Variants in UBE2L3 observed in about 807,000 individuals in gnomAD.
The protein encoded by UBE2L3 is ubiquitin-conjugating enzyme E2 L3.
In UBE2L3, 1 loss-of-function variant was observed where a neutral mutation model predicts 17.8. The ratio of observed to expected loss-of-function variants is 0.06; its 90% CI spans 0.02 to 0.27. UBE2L3 has a LOEUF of 0.27. Ranked by LOEUF, UBE2L3 falls within the 10% of genes least tolerant of loss-of-function variation. UBE2L3 has a pLI of 1.00. For synonymous variants in UBE2L3, 44 were observed against 68.5 expected (o/e 0.64, Z 1.76); for missense variants, 40 against 192.6 (o/e 0.21, Z 4.69).
intron 1 of UBE2L3, among the ~76,000 whole-genome samples, chr22:21,562,521 G>A (rs1046257224): frequency 6.6e-5 from 10 of 151,660 alleles, no homozygotes; most frequent in African/African-American, 2.4e-4. Flanking sequence ...ACAAGCACCC[G>A]CCACCACGCC....
chr22:21,561,593 G>T (rs1416682482), intron 1 of UBE2L3, among the ~76,000 whole-genome samples: 17 of 150,960 alleles, frequency 1.1e-4, no homozygotes, highest in Non-Finnish European at 2.5e-4. Flanking sequence ...AAAAAAAAAG[G>T]GGGTCCAGCA....
intron 3 of UBE2L3, among the ~76,000 whole-genome samples, chr22:21,615,900 G>A (rs1045286895): frequency 6.6e-6 from 1 of 152,134 alleles, no homozygotes; most frequent in African/African-American, 2.4e-5. Flanking sequence ...TGTGCTTTTT[G>A]TTGGTGATTT....
At chr22:21,615,729 C>CTA (rs1338696018) in intron 3 of UBE2L3, among the ~76,000 whole-genome samples, 1 of 152,210 alleles carries the variant, frequency 6.6e-6, no homozygotes, top group Non-Finnish European at 1.5e-5. Context: ...CGGCACTCGT[C>CTA]TATCACAGAT....
intron 1 of UBE2L3, among the ~76,000 whole-genome samples, chr22:21,577,008 G>T (rs1217518429): frequency 1.4e-5 from 2 of 147,404 alleles, no homozygotes; most frequent in Non-Finnish European, 3.0e-5. Context: ...TCGCTGTGTT[G>T]CCCAGGCTGG....
intron 1 of UBE2L3, among the ~76,000 whole-genome samples, chr22:21,562,455 T>C (rs2148392932): frequency 6.6e-6 from 1 of 151,256 alleles, no homozygotes; most frequent in East Asian, 1.9e-4. Context: ...CACTGCAAAC[T>C]CCGCCTCCCG....
At chr22:21,556,220 C>T (rs1403570384) in intron 1 of UBE2L3, among the ~76,000 whole-genome samples, 2 of 152,190 alleles carry the variant, frequency 1.3e-5, no homozygotes, top group African/African-American at 4.8e-5. Flanking sequence ...GACATAGTGA[C>T]ACCCTGTTTC....
intron 1 of UBE2L3, among the ~76,000 whole-genome samples, chr22:21,578,755 G>A (rs1927460185): frequency 6.6e-6 from 1 of 152,106 alleles, no homozygotes; most frequent in African/African-American, 2.4e-5. Context: ...CCTCTGTTGA[G>A]TGTTTTCTTT....
intron 2 of UBE2L3, among the ~76,000 whole-genome samples, chr22:21,594,526 A>C (rs1176691823): frequency 6.7e-6 from 1 of 150,162 alleles, no homozygotes; most frequent in Non-Finnish European, 1.5e-5. Context: ...TTTTTTTTTT[A>C]AGTCCCTGAA....
At chr22:21,575,723 A>G (rs1447828728) in intron 1 of UBE2L3, among the ~76,000 whole-genome samples, 1 of 122,308 alleles carries the variant, frequency 8.2e-6, no homozygotes, top group Non-Finnish European at 1.6e-5. Context: ...GCTCACTGCA[A>G]CCTCTGCCTC....
chr22:21,608,912 T>C (rs1929322562), intron 2 of UBE2L3, among the ~76,000 whole-genome samples: 1 of 151,850 alleles, frequency 6.6e-6, no homozygotes, highest in Non-Finnish European at 1.5e-5. Context: ...GTTTTTTTTT[T>C]GAGACTCAGT....
chr22:21,587,048 G>A (rs983408644), intron 1 of UBE2L3, among the ~76,000 whole-genome samples: 1 of 149,384 alleles, frequency 6.7e-6, no homozygotes, highest in Non-Finnish European at 1.5e-5. Flanking sequence ...CCTATGCCTG[G>A]CTAATTTTTG....
chr22:21,590,023 A>G lies in UBE2L3; in HGVS notation c.28-2838A>G, dbSNP rs137919334. ...TGGATCTCCTTGATACCAAAGCACC[A>G]GTAAGTGTCCTTTCTGCACCCCTGC... On this transcript the variant is annotated intron_variant, in intron 1 of 3. Transcript: ENST00000342192. Among the ~76,000 whole-genome samples, 1,243 of 152,168 alleles carry G rather than the reference A, an allele frequency of 8.2e-3. 25 individuals carry two copies. Among genetic ancestry groups the G allele is most frequent in the African/African-American group, 0.028 (1,180 of 41,526 alleles).
At chr22:21,598,421 C>T (rs1229562099) in intron 2 of UBE2L3, among the ~76,000 whole-genome samples, 1 of 151,406 alleles carries the variant, frequency 6.6e-6, no homozygotes, top group Non-Finnish European at 1.5e-5. Flanking sequence ...TTCTAATTTC[C>T]CTTGTGATTT....
At chr22:21,593,789 G>A (rs1386240991) in intron 2 of UBE2L3, among the ~76,000 whole-genome samples, 2 of 152,122 alleles carry the variant, frequency 1.3e-5, no homozygotes, top group Non-Finnish European at 2.9e-5. Context: ...AGCTTTTGGA[G>A]CACGGGCAGC....
intron 3 of UBE2L3, among the ~76,000 whole-genome samples, chr22:21,612,033 C>G: frequency 6.6e-6 from 1 of 152,146 alleles, no homozygotes; most frequent in East Asian, 1.9e-4. Flanking sequence ...GGGAATAACT[C>G]AGCTGAACTT....
intron 3 of UBE2L3, among the ~76,000 whole-genome samples, chr22:21,620,096 C>A (rs1268630822): frequency 1.3e-5 from 2 of 151,852 alleles, no homozygotes; most frequent in Non-Finnish European, 2.9e-5. Flanking sequence ...GAGTTTGAGA[C>A]CAGCCTGGGC....
At chr22:21,619,585 G>A (rs1288885844) in intron 3 of UBE2L3, among the ~76,000 whole-genome samples, 1 of 152,258 alleles carries the variant, frequency 6.6e-6, no homozygotes, top group Non-Finnish European at 1.5e-5. Flanking sequence ...TTAGGCAGGT[G>A]GGTTTTGGAC....
chr22:21,568,922 A>G (rs888279518), intron 1 of UBE2L3, among the ~76,000 whole-genome samples: 3 of 152,170 alleles, frequency 2.0e-5, no homozygotes, highest in Admixed American at 1.3e-4. Flanking sequence ...CATTAACTTT[A>G]TAAAACTGGA....
chr22:21,612,643 C>CTTTTCTTTTTTTTTTT (rs1929552765), intron 3 of UBE2L3, among the ~76,000 whole-genome samples: 7 of 52,478 alleles, frequency 1.3e-4, no homozygotes, highest in Non-Finnish European at 1.5e-4. Context: ...CTTTTCTTTT[C>CTTTTCTTTTTTTTTTT]TTTTTTTTTT....
Sources: allele counts gnomAD v4.1 joint callset (sites outside exome capture counted in the v4.1 genomes callset), GRCh38; gene constraint gnomAD v4.1.1; transcripts MANE v1.5; gene names NCBI Gene and HGNC (gene_info 2026-07-23, HGNC 2026-07-21).